The following LRPPRC variants were observed in gnomAD, a reference collection of about 807,000 sequenced individuals.
LRPPRC encodes the protein leucine rich pentatricopeptide repeat containing.
A neutral mutation model predicts 180.3 loss-of-function variants in LRPPRC; 120 were observed. The observed-to-expected ratio is 0.67, with a 90% CI of 0.57 to 0.77. LRPPRC has a LOEUF of 0.77. LRPPRC is among the 30% of genes least tolerant of loss of function. The probability of loss-of-function intolerance (pLI) is 0.00; values close to 1 mark genes in which losing one functional copy is unlikely to be tolerated. For missense variants in LRPPRC, 2,012 were observed against 1,657.2 expected (o/e 1.21, Z -3.72); for synonymous variants, 723 against 600.0 (o/e 1.21, Z -3.00).
chr2:43,928,596 G>A (rs929318571), intron 25 of LRPPRC, among the ~76,000 whole-genome samples: 1 of 151,958 alleles, frequency 6.6e-6, no homozygotes, highest in Non-Finnish European at 1.5e-5. Context: ...GACAGACAAA[G>A]ACAAGAATGC....
Position 43,974,757 on chromosome 2 carries a change from G to A in LRPPRC, c.866C>T (p.Thr289Ile), listed in dbSNP as rs149070501. The stretch of plus-strand genomic sequence containing the variant: ...CTCGGACTTCTCCACCTTCTCCAGA[G>A]TCTATAGAGAGTTCCAGAAATTAGA... Reference protein sequence around the residue: ...EKGDIDHVKQTLEKVEKSELH... With the variant: ...EKGDIDHVKQILEKVEKSELH... The change falls in exon 8 of 38, where the codon ACT becomes ATT. Residue 289 changes from threonine to isoleucine, a missense_variant and splice_region_variant. By Grantham distance (89) the Thr-to-Ile change is moderately conservative. Coordinates refer to ENST00000260665, the MANE Select transcript of LRPPRC (RefSeq NM_133259.4). The A allele has an allele frequency of 6.2e-7, 1 of 1,613,086 alleles. No homozygotes were observed. The highest frequency in any genetic ancestry group is 8.5e-7 in the Non-Finnish European group (1 of 1,179,242).
At chr2:43,915,058 A>C (rs1307867374) in intron 29 of LRPPRC, among the ~76,000 whole-genome samples, 1 of 36,722 alleles carries the variant, frequency 2.7e-5, no homozygotes, top group Non-Finnish European at 4.1e-5. Context: ...AAATACAAAA[A>C]AAAAAAAAAA....
In LRPPRC at chr2:43,973,675, C is replaced by A. The variant is rs146515622; in HGVS notation, c.1301G>T (p.Gly434Val). 1 of 1,614,038 alleles carries A rather than the reference C, an allele frequency of 6.2e-7. No homozygotes were observed. Among genetic ancestry groups the A allele is most frequent in the Non-Finnish European group, 8.5e-7 (1 of 1,179,890 alleles). ...GAAATAGTGAGGTCTGATAGGAAAA[C>A]CTTCCTCCTTCACAGCCTTCATTAA... The part of the protein sequence containing the change: ...KALMKAVKEE[G>V]FPIRPHYFWP... Residue 434 changes from glycine (G) to valine (V), a missense_variant, in exon 11 of 38, where the codon GGT becomes GTT. Physicochemically the swap from Gly to Val is moderately radical, Grantham distance 109 (BLOSUM62 -3). Coordinates refer to ENST00000260665, the MANE Select transcript of LRPPRC (RefSeq NM_133259.4).
At chr2:43,904,282 A>G (rs571823539) in intron 31 of LRPPRC, 2 of 152,342 alleles carry the variant, frequency 1.3e-5, no homozygotes, top group African/African-American at 2.4e-5. Flanking sequence ...ATTCACTTAC[A>G]TATTCAGTAC....
intron 36 of LRPPRC, among the ~76,000 whole-genome samples, chr2:43,891,409 TATCA>T (rs1433101657): frequency 6.6e-6 from 1 of 152,264 alleles, no homozygotes; most frequent in Non-Finnish European, 1.5e-5. Context: ...TGGGCAAGTC[TATCA>T]ATGCCATTTT....
intron 11 of LRPPRC, among the ~76,000 whole-genome samples, chr2:43,966,567 C>G (rs539792578): frequency 6.6e-6 from 1 of 151,688 alleles, no homozygotes. Flanking sequence ...CACGCCACCA[C>G]GCCGAGTAAT....
chr2:43,948,552 A>C (rs1672782797), intron 16 of LRPPRC, 34 bp from the exon 17 acceptor site: 1 of 1,021,520 alleles, frequency 9.8e-7, no homozygotes, highest in Non-Finnish European at 1.6e-6. Context: ...CATTCCACTA[A>C]AATTACCGAG....
intron 7 of LRPPRC, 89 bp from the exon 8 acceptor site, chr2:43,974,847 T>C (rs1238800254): frequency 7.6e-7 from 1 of 1,312,790 alleles, no homozygotes. Flanking sequence ...TTCAAAAAAC[T>C]AGGGAAAAAT....
chr2:43,981,315 T>A (rs1338566580), intron 2 of LRPPRC, among the ~76,000 whole-genome samples: 1 of 149,808 alleles, frequency 6.7e-6, no homozygotes. Flanking sequence ...CTACTAAAAG[T>A]GACTCCATAA....
Position 43,949,600 on chromosome 2 carries a change from A to AC in LRPPRC, c.1735+1dup. 6.2e-7 allele frequency: 1 copy of AC among 1,612,696 alleles called. No homozygotes were observed. Among genetic ancestry groups the AC allele is most frequent in the Non-Finnish European group, 8.5e-7 (1 of 1,178,804 alleles). Reference sequence around the variant, plus strand: ...TTACAATCATCGAAATTGAAACGCTACCCGTCGGTCCTCGAGGCTCCTGGC... The same window carrying AC: ...TTACAATCATCGAAATTGAAACGCTACCCCGTCGGTCCTCGAGGCTCCTGGC... On this transcript the variant is annotated splice_donor_variant, in intron 16 of 37. Transcript: ENST00000260665. LOFTEE classifies it high-confidence loss of function.
Position 43,975,139 on chromosome 2 carries a change from T to C in LRPPRC, c.816A>G (p.Ala272=), listed in dbSNP as rs185219908. 4 of 1,613,550 alleles carry C rather than the reference T, an allele frequency of 2.5e-6. No individual in the cohort carries two copies. Among genetic ancestry groups the C allele is most frequent in the Admixed American group, 3.3e-5 (2 of 60,018 alleles). Residue 272 remains alanine, a synonymous_variant, in exon 7 of 38, where the codon GCA becomes GCG. Coordinates refer to ENST00000260665, the MANE Select transcript of LRPPRC (RefSeq NM_133259.4). ...CCTTCTCAGCATATGCATTCAATAA[T>C]GCGAGGTATGTGTCTGGACCAGGCT... ...GIEPGPDTYL[A]LLNAYAEKGD... is the part of the protein sequence containing the mutation.
intron 13 of LRPPRC, chr2:43,959,100 T>A: frequency 1.5e-6 from 1 of 648,660 alleles, no homozygotes; most frequent in Non-Finnish European, 2.8e-6. Context: ...AATCAAGAGG[T>A]TGACAACGAA....
intron 23 of LRPPRC, among the ~76,000 whole-genome samples, chr2:43,940,091 G>A (rs989688935): frequency 6.6e-6 from 1 of 152,078 alleles, no homozygotes; most frequent in Admixed American, 6.6e-5. Context: ...ACTTAATTAC[G>A]ACCCAATGAT....
chr2:43,895,248 C>G (rs1670638866), intron 35 of LRPPRC, among the ~76,000 whole-genome samples: 1 of 152,204 alleles, frequency 6.6e-6, no homozygotes. Flanking sequence ...CTCTTCCCAT[C>G]TCACCAAGAG....
At chr2:43,948,224 A>C in intron 17 of LRPPRC, 25 bp from the exon 18 acceptor site, 2 of 1,312,742 alleles carry the variant, frequency 1.5e-6, no homozygotes, top group East Asian at 2.3e-5. Flanking sequence ...GGGAGGGGGG[A>C]AAAAACCTGA....
intron 34 of LRPPRC, among the ~76,000 whole-genome samples, chr2:43,898,084 A>C (rs1670751888): frequency 6.6e-6 from 1 of 151,158 alleles, no homozygotes; most frequent in South Asian, 2.1e-4. Flanking sequence ...AAAAAAAAAA[A>C]AAAACAAAGG....
intron 25 of LRPPRC, among the ~76,000 whole-genome samples, chr2:43,932,805 T>G (rs931094997): frequency 6.6e-6 from 1 of 152,204 alleles, no homozygotes. Context: ...GTTTAATAAC[T>G]TGTCCATTAT....
intron 24 of LRPPRC, 93 bp from the exon 25 acceptor site, chr2:43,934,389 T>G (rs1454470290): frequency 1.5e-6 from 1 of 673,062 alleles, no homozygotes; most frequent in South Asian, 1.8e-5. Flanking sequence ...CAAGAAAAAT[T>G]TATTTTAAAA....
In LRPPRC at chr2:43,963,911, A is replaced by T. The variant is rs1336521814; in HGVS notation, c.1370-205T>A. ...CTTTCTTCATCCCCCTCTGTGAAAC[A>T]GTAAATTTCAAGAAACTATCCTTGA... is the stretch of plus-strand genomic sequence containing the variant. On this transcript the variant is annotated intron_variant, in intron 11 of 37. Coordinates refer to ENST00000260665, the MANE Select transcript of LRPPRC (RefSeq NM_133259.4). The T allele has an allele frequency of 5.1e-6, 3 of 593,872 alleles. No homozygotes were observed. The African/African-American group carries it at 5.6e-5, about 11-fold the overall frequency. 36.8% of individuals were successfully genotyped at this position (593,872 alleles called of 1,614,324 possible).
Sources: allele counts gnomAD v4.1 joint callset (sites outside exome capture counted in the v4.1 genomes callset), GRCh38; gene constraint gnomAD v4.1.1; transcripts MANE v1.5; gene names NCBI Gene and HGNC (gene_info 2026-07-23, HGNC 2026-07-21).